The following CDH19 variants were observed in gnomAD, a reference collection of about 807,000 sequenced individuals.
The protein encoded by CDH19 is cadherin-19.
In CDH19, 67 loss-of-function variants were observed where a neutral mutation model predicts 64.2. The observed-to-expected ratio is 1.04, with a 90% confidence interval of 0.86 to 1.28. CDH19 has a LOEUF of 1.28. CDH19 is among the 50% of genes most tolerant of loss of function. CDH19 has a pLI of 0.00. For missense variants in CDH19, 1,030 were observed against 929.0 expected (o/e 1.11, Z -1.41); for synonymous variants, 346 against 319.3 (o/e 1.08, Z -0.89).
In CDH19 at chr18:66,502,998, TTAAC is replaced by T. The variant is rs1296362710; in HGVS notation, c.*1810_*1813del. On this transcript the variant is annotated 3_prime_UTR_variant, in exon 12 of 12. Coordinates refer to ENST00000262150, the MANE Select transcript of CDH19 (RefSeq NM_021153.4). ...TACCAATAAAATATATTATAACCAT[TTAAC>T]TACTTCATCAATATTTCAAAATTAC... 2.6e-5 allele frequency: 4 copies of T among 151,884 alleles called. No homozygotes were observed. Among genetic ancestry groups the T allele is most frequent in the Non-Finnish European group, 2.9e-5 (2 of 67,850 alleles). 9.4% of individuals were successfully genotyped at this position (151,884 alleles called of 1,614,324 possible).
intron 9 of CDH19, among the ~76,000 whole-genome samples, chr18:66,529,501 A>G (rs1335349978): frequency 1.3e-5 from 2 of 150,990 alleles, no homozygotes; most frequent in Non-Finnish European, 3.0e-5. Flanking sequence ...AGAAAACTTG[A>G]AATTTGCATG....
At chr18:66,570,724 A>G (rs1988074310) in intron 2 of CDH19, among the ~76,000 whole-genome samples, 1 of 151,710 alleles carries the variant, frequency 6.6e-6, no homozygotes, top group Admixed American at 6.6e-5. Context: ...TGTCTCTGAA[A>G]TGAAAAAATA....
At chr18:66,514,374 G>A (rs1985638025) in intron 9 of CDH19, among the ~76,000 whole-genome samples, 1 of 151,250 alleles carries the variant, frequency 6.6e-6, no homozygotes, top group African/African-American at 2.4e-5. Context: ...TGTAGAATAA[G>A]GACCAAAAAT....
Position 66,503,255 on chromosome 18 carries a change from T to C in CDH19, c.*1557A>G, listed in dbSNP as rs1484899492. ...GTTTTATTATCTTGTTATCTAATGT[T>C]ACTGTAAAGTTTTATGCCCAACAGC... On this transcript the variant is annotated 3_prime_UTR_variant, in exon 12 of 12. Coordinates refer to ENST00000262150, the MANE Select transcript of CDH19 (RefSeq NM_021153.4). 2.0e-5 allele frequency: 3 copies of C among 151,872 alleles called. No individual in the cohort carries two copies. The highest frequency in any genetic ancestry group is 1.3e-4 in the Admixed American group (2 of 15,216). 9.4% of individuals were successfully genotyped at this position (151,872 alleles called of 1,614,324 possible). A position where few individuals can be genotyped will look rare whatever the true frequency, so the allele number is the denominator to read the frequency against.
chr18:66,595,522 A>AC (rs1988863584), intron 1 of CDH19, among the ~76,000 whole-genome samples: 1 of 150,864 alleles, frequency 6.6e-6, no homozygotes, highest in Admixed American at 6.6e-5. Context: ...GAAAAAAAAA[A>AC]AAAAAAAAAA....
In CDH19 at chr18:66,504,730, A is replaced by T; in HGVS notation, c.*82T>A. On this transcript the variant is annotated 3_prime_UTR_variant, in exon 12 of 12. Coordinates refer to ENST00000262150, the MANE Select transcript of CDH19 (RefSeq NM_021153.4). ...TAGACTAGGGCTTTCCCCGCCATAG[A>T]GCCAGGGCACAAAACTCTTTAAGAC... 1.4e-6 allele frequency: 2 copies of T among 1,419,978 alleles called. No individual in the cohort carries two copies. Among genetic ancestry groups the T allele is most frequent in the Non-Finnish European group, 1.9e-6 (2 of 1,052,370 alleles). The allele number at this position is 1,419,978 out of a possible 1,614,324, so 88.0% of individuals were successfully genotyped here.
intron 7 of CDH19, among the ~76,000 whole-genome samples, chr18:66,539,261 T>C (rs1251151597): frequency 6.6e-6 from 1 of 152,152 alleles, no homozygotes; most frequent in African/African-American, 2.4e-5. Context: ...TGTATGTTTT[T>C]ATTTCTTTTT....
intron 7 of CDH19, among the ~76,000 whole-genome samples, chr18:66,537,956 A>G (rs185296774): frequency 6.6e-6 from 1 of 152,162 alleles, no homozygotes; most frequent in East Asian, 1.9e-4. Flanking sequence ...TCAGATTTCA[A>G]TCCAGTGTGA....
chr18:66,518,533 C>T lies in CDH19; in HGVS notation c.1459-6848G>A, dbSNP rs189243736. On this transcript the variant is annotated intron_variant, in intron 9 of 11. Coordinates refer to ENST00000262150, the MANE Select transcript of CDH19 (RefSeq NM_021153.4). The stretch of plus-strand genomic sequence containing the variant: ...ACACACGTGAGCCACTGTGTCCCAC[C>T]TAGGTTTACTTTTATCTGAGGGTTT... Among the ~76,000 whole-genome samples the T allele has an allele frequency of 2.0e-5, 3 of 152,200 alleles. No homozygotes were observed. In the East Asian group the frequency reaches 5.8e-4, roughly 29 times the overall value.
intron 1 of CDH19, among the ~76,000 whole-genome samples, chr18:66,598,681 T>C (rs529892665): frequency 2.0e-5 from 3 of 151,946 alleles, no homozygotes; most frequent in Non-Finnish European, 4.4e-5. Flanking sequence ...CTAACCTACT[T>C]CAGGGTGGGG....
At chr18:66,535,752 A>G (rs1371693800) in intron 7 of CDH19, among the ~76,000 whole-genome samples, 1 of 147,062 alleles carries the variant, frequency 6.8e-6, no homozygotes, top group African/African-American at 2.5e-5. Flanking sequence ...ATTCTATATT[A>G]CATATAGAAA....
chr18:66,573,761 T>C (rs1171894537), intron 1 of CDH19, among the ~76,000 whole-genome samples: 3 of 151,562 alleles, frequency 2.0e-5, no homozygotes, highest in African/African-American at 7.3e-5. Flanking sequence ...TAAAATAGTG[T>C]AATGAACACC....
intron 2 of CDH19, 74 bp from the exon 3 acceptor site, chr18:66,568,784 T>A: frequency 8.1e-7 from 1 of 1,231,284 alleles, no homozygotes; most frequent in Non-Finnish European, 1.1e-6. Flanking sequence ...ATTTTCTTTT[T>A]ATGTATGTTA....
At chr18:66,580,839 C>A (rs530643784) in intron 1 of CDH19, among the ~76,000 whole-genome samples, 16 of 152,116 alleles carry the variant, frequency 1.1e-4, no homozygotes, top group Admixed American at 4.6e-4. Context: ...TTTGTTTATA[C>A]TCCTCTATAT....
At position 66,544,870 on chromosome 18, in the gene CDH19, G is replaced by C; in HGVS notation, c.809C>G (p.Pro270Arg). Residue 270 changes from proline (P) to arginine (R), a missense_variant, in exon 6 of 12, where the codon CCC becomes CGC. Pro to Arg is a moderately radical substitution (Grantham distance 103). Coordinates refer to ENST00000262150, the MANE Select transcript of CDH19 (RefSeq NM_021153.4). The stretch of plus-strand genomic sequence containing the variant: ...GATTGTTCCTATAGAAGTCCCAGTG[G>C]GTGCAGATTCAGAGACAGTCAAGCG... Reference protein sequence around the residue: ...LYRLTVSESAPTGTSIGTIMA... With the variant: ...LYRLTVSESARTGTSIGTIMA... The C allele has an allele frequency of 1.2e-6, 2 of 1,609,714 alleles. No individual in the cohort carries two copies. Among genetic ancestry groups the C allele is most frequent in the Non-Finnish European group, 1.7e-6 (2 of 1,178,192 alleles).
At chr18:66,596,844 A>G (rs929132080) in intron 1 of CDH19, among the ~76,000 whole-genome samples, 1 of 151,790 alleles carries the variant, frequency 6.6e-6, no homozygotes, top group African/African-American at 2.4e-5. Context: ...GCACTTTGGG[A>G]GGCCGAGGCG....
intron 9 of CDH19, among the ~76,000 whole-genome samples, 168 bp from the exon 10 acceptor site, chr18:66,511,853 TA>T (rs1985507927): frequency 6.6e-6 from 1 of 151,596 alleles, no homozygotes; most frequent in Non-Finnish European, 1.5e-5. Context: ...TTTCTCAGGT[TA>T]AAAATATGTT....
intron 9 of CDH19, among the ~76,000 whole-genome samples, chr18:66,521,293 T>C (rs371128089): frequency 2.6e-5 from 4 of 152,290 alleles, no homozygotes; most frequent in East Asian, 3.9e-4. Context: ...ATGATAAATA[T>C]GTCACCTGTA....
At chr18:66,517,395 A>T (rs1985784264) in intron 9 of CDH19, among the ~76,000 whole-genome samples, 1 of 152,104 alleles carries the variant, frequency 6.6e-6, no homozygotes, top group African/African-American at 2.4e-5. Context: ...AAATAATGGC[A>T]CTCAGTGATT....
Sources: allele counts gnomAD v4.1 joint callset (sites outside exome capture counted in the v4.1 genomes callset), GRCh38; gene constraint gnomAD v4.1.1; transcripts MANE v1.5; gene names NCBI Gene and HGNC (gene_info 2026-07-23, HGNC 2026-07-21).